Variants in CTNND2 observed in about 807,000 individuals in gnomAD.
CTNND2 encodes the protein catenin delta 2.
In CTNND2, 22 loss-of-function variants were observed where a neutral mutation model predicts 144.4. The observed-to-expected ratio is 0.15, with a 90% confidence interval of 0.11 to 0.22. The LOEUF (loss-of-function observed/expected upper bound fraction) is 0.22, where lower values mean the gene tolerates loss of function less well. Among genes scored for constraint, CTNND2 ranks in the 10% least tolerant of loss-of-function variants. The pLI is 1.00. For synonymous variants in CTNND2, 751 were observed against 695.6 expected (o/e 1.08, Z -1.25); for missense variants, 1,353 against 1,618.8 (o/e 0.84, Z 2.82).
chr5:11,387,000 T>C (rs1759149489), intron 6 of CTNND2, among the ~76,000 whole-genome samples: 1 of 152,160 alleles, frequency 6.6e-6, no homozygotes, highest in Admixed American at 6.5e-5. Flanking sequence ...GAAACATGTA[T>C]TAAATAGATT....
intron 8 of CTNND2, among the ~76,000 whole-genome samples, chr5:11,360,603 C>A (rs1756351274): frequency 1.3e-5 from 2 of 152,266 alleles, no homozygotes; most frequent in South Asian, 4.2e-4. Context: ...CCTTTCCATG[C>A]CCCAACTTGC....
At chr5:11,617,531 T>C (rs931331405) in intron 2 of CTNND2, among the ~76,000 whole-genome samples, 2 of 152,242 alleles carry the variant, frequency 1.3e-5, no homozygotes, top group Non-Finnish European at 2.9e-5. Context: ...ACCTGGTTAC[T>C]TAACAAACAT....
intron 3 of CTNND2, among the ~76,000 whole-genome samples, chr5:11,419,912 A>G (rs1762232649): frequency 6.6e-6 from 1 of 152,210 alleles, no homozygotes; most frequent in Non-Finnish European, 1.5e-5. Context: ...ATTGCTCACA[A>G]TATCTTTCAA....
At chr5:11,539,334 C>T (rs1241977671) in intron 3 of CTNND2, among the ~76,000 whole-genome samples, 1 of 152,196 alleles carries the variant, frequency 6.6e-6, no homozygotes, top group Non-Finnish European at 1.5e-5. Context: ...AGAACTTGCC[C>T]ATCTCCAAGG....
At chr5:11,697,393 T>A (rs925989896) in intron 2 of CTNND2, among the ~76,000 whole-genome samples, 6 of 152,234 alleles carry the variant, frequency 3.9e-5, no homozygotes, top group Non-Finnish European at 8.8e-5. Flanking sequence ...AGTAGTGGAA[T>A]AAAGGCAGAT....
At chr5:11,224,433 G>T (rs553756957) in intron 10 of CTNND2, among the ~76,000 whole-genome samples, 4 of 152,238 alleles carry the variant, frequency 2.6e-5, no homozygotes, top group African/African-American at 9.6e-5. Context: ...CCCCTCCACC[G>T]AGGCCTGGTA....
At chr5:11,328,853 T>C (rs1328281949) in intron 9 of CTNND2, among the ~76,000 whole-genome samples, 1 of 152,230 alleles carries the variant, frequency 6.6e-6, no homozygotes, top group Non-Finnish European at 1.5e-5. Context: ...CACCCACTCA[T>C]GGCTCCAGAC....
chr5:11,672,499 A>G (rs539946824), intron 2 of CTNND2, among the ~76,000 whole-genome samples: 4 of 152,196 alleles, frequency 2.6e-5, no homozygotes, highest in Non-Finnish European at 5.9e-5. Flanking sequence ...AGAAATCTAG[A>G]CATGTGGTTC....
At chr5:11,865,700 G>C (rs1795727644) in intron 1 of CTNND2, among the ~76,000 whole-genome samples, 2 of 151,946 alleles carry the variant, frequency 1.3e-5, no homozygotes. Flanking sequence ...CTAATCAGCT[G>C]AATTTAAAAT....
At chr5:11,600,729 G>T (rs867224565) in intron 2 of CTNND2, among the ~76,000 whole-genome samples, 26 of 128,284 alleles carry the variant, frequency 2.0e-4, no homozygotes, top group African/African-American at 4.6e-4. Context: ...AAAAAAAAAT[G>T]AAGACTAGCC....
intron 1 of CTNND2, among the ~76,000 whole-genome samples, chr5:11,772,005 T>G (rs1452988260): frequency 6.6e-6 from 1 of 152,200 alleles, no homozygotes; most frequent in African/African-American, 2.4e-5. Flanking sequence ...GTTACTTCAT[T>G]GTTTTATGAG....
chr5:11,327,698 C>T (rs1159258286), intron 9 of CTNND2, among the ~76,000 whole-genome samples: 1 of 152,118 alleles, frequency 6.6e-6, no homozygotes, highest in East Asian at 1.9e-4. Context: ...CTAACTTCTG[C>T]AATAAACTAA....
At chr5:11,684,825 T>G (rs561399789) in intron 2 of CTNND2, among the ~76,000 whole-genome samples, 1 of 152,346 alleles carries the variant, frequency 6.6e-6, no homozygotes, top group South Asian at 2.1e-4. Flanking sequence ...ATCAGCTCCT[T>G]CTTCAACTGC....
At chr5:11,754,448 G>A (rs1470778394) in intron 1 of CTNND2, among the ~76,000 whole-genome samples, 2 of 70,904 alleles carry the variant, frequency 2.8e-5, no homozygotes, top group African/African-American at 6.6e-5. Context: ...GCGGGGAGGT[G>A]GAGAGTTCTG....
intron 14 of CTNND2, among the ~76,000 whole-genome samples, chr5:11,109,502 G>A (rs1338358118): frequency 2.0e-5 from 3 of 151,912 alleles, no homozygotes; most frequent in African/African-American, 7.3e-5. Flanking sequence ...ATAAATTTCT[G>A]GACTAGAAAA....
intron 2 of CTNND2, among the ~76,000 whole-genome samples, chr5:11,670,263 G>A (rs1783812860): frequency 6.6e-6 from 1 of 152,142 alleles, no homozygotes; most frequent in South Asian, 2.1e-4. Context: ...TGTTTATTAG[G>A]TCTACTTGGT....
chr5:11,602,390 C>T (rs1263261264), intron 2 of CTNND2, among the ~76,000 whole-genome samples: 1 of 151,664 alleles, frequency 6.6e-6, no homozygotes, highest in East Asian at 1.9e-4. Context: ...TCCCCATGGA[C>T]ATGTGTCAGT....
intron 1 of CTNND2, among the ~76,000 whole-genome samples, chr5:11,830,786 G>A (rs527461309): frequency 5.3e-5 from 8 of 152,236 alleles, no homozygotes; most frequent in South Asian, 2.1e-4. Flanking sequence ...GACTCCTTAC[G>A]CACCTCCAGC....
intron 9 of CTNND2, among the ~76,000 whole-genome samples, chr5:11,261,677 G>T (rs140740808): frequency 1.1e-4 from 17 of 152,336 alleles, no homozygotes; most frequent in Admixed American, 3.9e-4. Context: ...GGATATAGGG[G>T]ATCTTCCACC....
Sources: gnomAD v4.1 joint callset for allele counts (sites outside exome capture counted in the v4.1 genomes callset) on GRCh38, gnomAD v4.1.1 for gene constraint, MANE v1.5 for transcripts, NCBI Gene and HGNC (gene_info 2026-07-23, HGNC 2026-07-21) for gene names.